The following PRDM12 variants were observed in gnomAD, a reference collection of about 807,000 sequenced individuals.
The protein encoded by PRDM12 is PR/SET domain 12.
A neutral mutation model predicts 29.6 loss-of-function variants in PRDM12; 17 were observed. That is an observed-to-expected ratio of 0.57 (90% CI 0.39 to 0.86). The LOEUF (loss-of-function observed/expected upper bound fraction) is 0.86. Ranked by LOEUF, PRDM12 falls within the 40% of genes least tolerant of loss-of-function variation. The probability of loss-of-function intolerance (pLI) is 0.00; values close to 1 mark genes in which losing one functional copy is unlikely to be tolerated. For synonymous variants in PRDM12, 231 were observed against 225.8 expected (o/e 1.02, Z -0.21); for missense variants, 422 against 510.8 (o/e 0.83, Z 1.68).
intron 3 of PRDM12, among the ~76,000 whole-genome samples, chr9:130,676,161 G>C (rs1830840037): frequency 6.6e-6 from 1 of 151,988 alleles, no homozygotes; most frequent in African/African-American, 2.4e-5. Context: ...ACCCCAGTGA[G>C]GTCTGGAAAA....
intron 3 of PRDM12, among the ~76,000 whole-genome samples, chr9:130,670,330 G>C (rs142787780): frequency 6.6e-6 from 1 of 152,134 alleles, no homozygotes; most frequent in Non-Finnish European, 1.5e-5. Flanking sequence ...GGGCCTAGTA[G>C]CTTCTCGGAT....
intron 3 of PRDM12, among the ~76,000 whole-genome samples, chr9:130,678,325 G>C (rs1045659933): frequency 1.3e-5 from 2 of 151,928 alleles, no homozygotes; most frequent in African/African-American, 4.8e-5. Context: ...TGGGCAGGGA[G>C]AGGGGGGCAG....
chr9:130,664,950 G>A lies in PRDM12; in HGVS notation c.223+74G>A, dbSNP rs1830717883. 2 of 1,398,986 alleles carry A rather than the reference G, an allele frequency of 1.4e-6. No individual in the cohort carries two copies. The highest frequency in any genetic ancestry group is 2.8e-5 in the South Asian group (2 of 71,858). The allele number at this position is 1,398,986 out of a possible 1,614,324, so 86.7% of individuals were successfully genotyped here. A position where few individuals can be genotyped will look rare whatever the true frequency, so the allele number is the denominator to read the frequency against. The stretch of plus-strand genomic sequence containing the variant: ...CCATTCCCGTCCTGGCGATGCGCGA[G>A]ACGCGGCTGGGATACCCGGCCTCGC... On this transcript the variant is annotated intron_variant, in intron 1 of 4. Transcript: ENST00000253008. The surrounding 1 kb of genome is among the most constrained non-coding windows in gnomAD (Gnocchi z 6.4).
chr9:130,681,290 G>A lies in PRDM12; in HGVS notation c.725G>A (p.Arg242His), dbSNP rs1212596484. 5 of 1,501,994 alleles carry A rather than the reference G, an allele frequency of 3.3e-6. No individual in the cohort carries two copies. The highest frequency in any genetic ancestry group is 2.5e-5 in the East Asian group (1 of 39,972). The allele number at this position is 1,501,994 out of a possible 1,614,324, so 93.0% of individuals were successfully genotyped here. ...PADSAAGPAG[R>H]MRCVICHRGF... ...GACTCGGCGGCTGGCCCCGCGGGCC[G>A]CATGCGATGCGTCATCTGCCACCGC... Residue 242 changes from arginine (R) to histidine (H), a missense_variant, in exon 5 of 5, where the codon CGC becomes CAC. Around this residue, in one of 5 missense-constraint regions of PRDM12, gnomAD observed 300 missense variants for 350.0 expected, o/e 0.86. Coordinates refer to ENST00000253008, the MANE Select transcript of PRDM12 (RefSeq NM_021619.3). The surrounding 1 kb of genome is among the most constrained non-coding windows in gnomAD (Gnocchi z 8.1).
chr9:130,674,638 C>G (rs1048770860), intron 3 of PRDM12, among the ~76,000 whole-genome samples: 11 of 151,926 alleles, frequency 7.2e-5, no homozygotes, highest in Non-Finnish European at 1.0e-4. Flanking sequence ...AAAATAGTCT[C>G]GAAATGGCAA....
At chr9:130,671,357 C>CAACAAA (rs1554752373) in intron 3 of PRDM12, among the ~76,000 whole-genome samples, 71 of 138,056 alleles carry the variant, frequency 5.1e-4, no homozygotes, top group South Asian at 2.1e-3. Flanking sequence ...ACAACAACAA[C>CAACAAA]AAAAAAAGAG....
At position 130,664,786 on chromosome 9, in the gene PRDM12, C is replaced by CTCT; in HGVS notation, c.135_136insTTC (p.Leu45_Gly46insPhe). On this transcript the variant is annotated inframe_insertion, in exon 1 of 5. Coordinates refer to ENST00000253008, the MANE Select transcript of PRDM12 (RefSeq NM_021619.3). This position sits in a 1 kb window ranked among gnomAD's most constrained non-coding sequence, Gnocchi z 6.4. Reference sequence around the variant, plus strand: ...CCTGTACGGCCGCTGGCGCAACGTGCTCGGGGAGCAGCTCTTCGAGGACAA... The same window carrying CTCT: ...CCTGTACGGCCGCTGGCGCAACGTGCTCTTCGGGGAGCAGCTCTTCGAGGACAA... The CTCT allele has an allele frequency of 6.2e-7, 1 of 1,601,188 alleles. No homozygotes were observed. The highest frequency in any genetic ancestry group is 8.5e-7 in the Non-Finnish European group (1 of 1,175,398).
At chr9:130,674,264 C>T (rs751196361) in intron 3 of PRDM12, among the ~76,000 whole-genome samples, 26 of 151,026 alleles carry the variant, frequency 1.7e-4, no homozygotes, top group Non-Finnish European at 3.0e-4. Flanking sequence ...CTGCCCACCT[C>T]GGCCCCCCAA....
intron 4 of PRDM12, among the ~76,000 whole-genome samples, chr9:130,680,195 G>C (rs1053983886): frequency 7.9e-5 from 12 of 151,954 alleles, no homozygotes; most frequent in African/African-American, 2.9e-4. Flanking sequence ...AAGTTAGCCA[G>C]GTGTGCTGGC....
intron 3 of PRDM12, among the ~76,000 whole-genome samples, chr9:130,676,995 C>T (rs566484907): frequency 7.2e-5 from 11 of 152,254 alleles, no homozygotes; most frequent in African/African-American, 2.4e-4. Context: ...GGTGCAATCT[C>T]GGCTTACTGC....
At position 130,681,535 on chromosome 9, in the gene PRDM12, C is replaced by G; in HGVS notation, c.970C>G (p.Arg324Gly). 1 of 1,354,664 alleles carries G rather than the reference C, an allele frequency of 7.4e-7. No homozygotes were observed. Among genetic ancestry groups the G allele is most frequent in the Non-Finnish European group, 9.6e-7 (1 of 1,046,916 alleles). 83.9% of individuals were successfully genotyped at this position (1,354,664 alleles called of 1,614,324 possible). ...LRAHQKSARH[R>G]PPSTALQAHS... ...CGCCCACCAGAAGAGCGCGCGGCACCGGCCGCCCAGCACCGCGCTGCAGGC... is the reference window on the plus strand; with the variant it reads ...CGCCCACCAGAAGAGCGCGCGGCACGGGCCGCCCAGCACCGCGCTGCAGGC... The change falls in exon 5 of 5, where the codon CGG becomes GGG. Residue 324 changes from arginine to glycine, a missense_variant. Physicochemically the swap from Arg to Gly is moderately radical, Grantham distance 125. Coordinates refer to ENST00000253008, the MANE Select transcript of PRDM12 (RefSeq NM_021619.3). The surrounding 1 kb of genome is among the most constrained non-coding windows in gnomAD (Gnocchi z 8.1).
chr9:130,666,738 C>T lies in PRDM12; in HGVS notation c.354C>T (p.Thr118=), dbSNP rs1288348185. 3 of 1,612,866 alleles carry T rather than the reference C, an allele frequency of 1.9e-6. No homozygotes were observed. Among genetic ancestry groups the T allele is most frequent in the Non-Finnish European group, 2.5e-6 (3 of 1,179,744 alleles). The stretch of plus-strand genomic sequence containing the variant: ...CGGGAACCGAGATGGGCCCCTTCAC[C>T]GGCCGCGTGATCGCCCCGGAGCACG... ...IKAGTEMGPF[T]GRVIAPEHVD... The change falls in exon 2 of 5, where the codon ACC becomes ACT. Residue 118 remains threonine (T), a synonymous_variant. Coordinates refer to ENST00000253008, the MANE Select transcript of PRDM12 (RefSeq NM_021619.3).
intron 4 of PRDM12, among the ~76,000 whole-genome samples, chr9:130,679,949 C>A (rs1292675272): frequency 6.6e-6 from 1 of 152,008 alleles, no homozygotes; most frequent in African/African-American, 2.4e-5. Context: ...GCATGAGGCA[C>A]CGTGGTCAGC....
chr9:130,667,027 C>T (rs577755837), intron 2 of PRDM12, among the ~76,000 whole-genome samples: 1 of 152,364 alleles, frequency 6.6e-6, no homozygotes, highest in Admixed American at 6.5e-5. Context: ...CCCCCGGACA[C>T]CCTGGCAGAG....
chr9:130,668,114 G>A lies in PRDM12; in HGVS notation c.415-44G>A. The A allele has an allele frequency of 3.7e-6, 6 of 1,606,198 alleles. No individual in the cohort carries two copies. The highest frequency in any genetic ancestry group is 5.1e-6 in the Non-Finnish European group (6 of 1,173,938). ...GATGTGCCTGGAAGATGGTACACAT[G>A]GCATAGCCCTGCCTTACCTGGTCCT... On this transcript the variant is annotated intron_variant, in intron 2 of 4. Coordinates refer to ENST00000253008, the MANE Select transcript of PRDM12 (RefSeq NM_021619.3). This position sits in a 1 kb window ranked among gnomAD's most constrained non-coding sequence, Gnocchi z 4.0.
At chr9:130,673,183 C>T (rs1830804739) in intron 3 of PRDM12, among the ~76,000 whole-genome samples, 1 of 146,868 alleles carries the variant, frequency 6.8e-6, no homozygotes, top group Admixed American at 7.1e-5. Flanking sequence ...GCCTGAGTCT[C>T]AGCAGTAAAG....
intron 4 of PRDM12, among the ~76,000 whole-genome samples, chr9:130,680,126 C>CA (rs1185969624): frequency 6.6e-6 from 1 of 151,662 alleles, no homozygotes; most frequent in Non-Finnish European, 1.5e-5. Context: ...CACTCGAGCC[C>CA]AGGAGTTCCA....
chr9:130,679,330 C>CTTT (rs68186892), intron 4 of PRDM12, among the ~76,000 whole-genome samples: 25 of 116,526 alleles, frequency 2.1e-4, no homozygotes, highest in Admixed American at 6.7e-4. Context: ...TTCTTTCTTC[C>CTTT]TTTTTTTTTT....
At position 130,681,564 on chromosome 9, in the gene PRDM12, C is replaced by G. The variant is rs1453242370; in HGVS notation, c.999C>G (p.His333Gln). The G allele has an allele frequency of 1.6e-6, 2 of 1,216,678 alleles. No homozygotes were observed. Among genetic ancestry groups the G allele is most frequent in the Non-Finnish European group, 2.0e-6 (2 of 979,000 alleles). The allele number at this position is 1,216,678 out of a possible 1,614,324, so 75.4% of individuals were successfully genotyped here. The change falls in exon 5 of 5, where the codon CAC (histidine) becomes CAG (glutamine). Residue 333 changes from histidine to glutamine, a missense_variant. By Grantham distance (24) the His-to-Gln change is conservative. Coordinates refer to ENST00000253008, the MANE Select transcript of PRDM12 (RefSeq NM_021619.3). The surrounding 1 kb of genome is among the most constrained non-coding windows in gnomAD (Gnocchi z 8.1). ...CGCCCAGCACCGCGCTGCAGGCACA[C>G]TCGCCCGCGCTGCCCGCCCCGCACG... is the stretch of plus-strand genomic sequence containing the variant. ...HRPPSTALQAHSPALPAPHAH... is the reference protein window; with the variant it reads ...HRPPSTALQAQSPALPAPHAH...
Sources: gnomAD v4.1 joint callset for allele counts (sites outside exome capture counted in the v4.1 genomes callset) on GRCh38, gnomAD v4.1.1 for gene constraint, gnomAD v4.1.1 regional missense constraint, Gnocchi (gnomAD v3.1) non-coding constraint, MANE v1.5 for transcripts, NCBI Gene and HGNC (gene_info 2026-07-23, HGNC 2026-07-21) for gene names.